MSN: variants seen among roughly 807,000 people sequenced by gnomAD.
The protein encoded by MSN is epididymis luminal protein 70.
A neutral mutation model predicts 48.0 loss-of-function variants in MSN; 2 were observed. The ratio of observed to expected loss-of-function variants is 0.04; its 90% CI spans 0.02 to 0.13. The LOEUF is 0.13. MSN is among the 10% of genes least tolerant of loss of function. The probability of loss-of-function intolerance (pLI) is 1.00; values close to 1 mark genes in which losing one functional copy is unlikely to be tolerated. For missense variants in MSN, 267 were observed against 470.1 expected (o/e 0.57, Z 3.99); for synonymous variants, 146 against 166.9 (o/e 0.87, Z 0.97).
intron 1 of MSN, chrX:65,588,839 C>T (rs745416286): frequency 2.5e-4 from 35 of 138,860 alleles, no homozygotes; most frequent in Non-Finnish European, 4.4e-4. Flanking sequence ...CTCTCTCTCT[C>T]TCCTCTCCCA....
At chrX:65,609,276 A>C (rs182301673) in intron 1 of MSN, among the ~76,000 whole-genome samples, 2 of 108,803 alleles carry the variant, frequency 1.8e-5, no homozygotes, top group African/African-American at 6.7e-5. Flanking sequence ...AGTAAAAGCC[A>C]GTGAAGTGTC....
chrX:65,693,112 C>T (rs1255333926), intron 1 of MSN, among the ~76,000 whole-genome samples: 1 of 111,786 alleles, frequency 8.9e-6, no homozygotes, highest in African/African-American at 3.3e-5. Context: ...AGACACACTG[C>T]AGGCCTTTGA....
chrX:65,711,497 C>A (rs953564939), intron 1 of MSN, among the ~76,000 whole-genome samples: 1 of 112,517 alleles, frequency 8.9e-6, no homozygotes, highest in Non-Finnish European at 1.9e-5. Flanking sequence ...TACCCGGCCC[C>A]TAACATACAT....
intron 1 of MSN, among the ~76,000 whole-genome samples, chrX:65,685,773 A>G (rs1386700572): frequency 9.0e-6 from 1 of 111,482 alleles, no homozygotes; most frequent in East Asian, 2.8e-4. Context: ...TTTAGTAGAG[A>G]CAGGTTTTTG....
chrX:65,695,191 A>G (rs113145391), intron 1 of MSN, among the ~76,000 whole-genome samples: 2,457 of 109,746 alleles, frequency 0.022, 82 homozygotes, highest in African/African-American at 0.077. Flanking sequence ...TAGGCAGGTT[A>G]TCCATGTGTA....
intron 1 of MSN, among the ~76,000 whole-genome samples, chrX:65,680,493 T>C (rs912748150): frequency 2.7e-5 from 3 of 111,969 alleles, no homozygotes; most frequent in Admixed American, 9.4e-5. Flanking sequence ...AGCATTTAGA[T>C]TACTCCCAGC....
chrX:65,688,571 G>T (rs1017444884), intron 1 of MSN, among the ~76,000 whole-genome samples: 2 of 112,149 alleles, frequency 1.8e-5, no homozygotes, highest in African/African-American at 6.5e-5. Context: ...CTGGACTTAA[G>T]CTCTGGTCAT....
chrX:65,602,153 T>C (rs1246027958), intron 1 of MSN, among the ~76,000 whole-genome samples: 2 of 112,649 alleles, frequency 1.8e-5, no homozygotes, highest in African/African-American at 6.5e-5. Flanking sequence ...ATCTAATTGA[T>C]TCCATTTTAA....
At chrX:65,629,994 C>T (rs749978822) in intron 1 of MSN, among the ~76,000 whole-genome samples, 4 of 110,756 alleles carry the variant, frequency 3.6e-5, no homozygotes, top group Non-Finnish European at 5.7e-5. Context: ...GCCTGGCCAA[C>T]GTGGTGAAAC....
chrX:65,591,344 G>T (rs1569451757), intron 1 of MSN, among the ~76,000 whole-genome samples: 1 of 111,897 alleles, frequency 8.9e-6, no homozygotes, highest in East Asian at 2.8e-4. Flanking sequence ...CTGTCGGCTA[G>T]GGAGATGTCT....
chrX:65,606,108 T>C (rs1048103137), intron 1 of MSN, among the ~76,000 whole-genome samples: 1 of 107,231 alleles, frequency 9.3e-6, no homozygotes, highest in African/African-American at 3.4e-5. Flanking sequence ...ATACCGAGGA[T>C]TTTTTTTGTT....
chrX:65,721,680 T>C (rs2071517951), intron 2 of MSN, among the ~76,000 whole-genome samples: 1 of 111,864 alleles, frequency 8.9e-6, no homozygotes, highest in Non-Finnish European at 1.9e-5. Flanking sequence ...AGCTAGGAAG[T>C]GGTATAGCTG....
intron 1 of MSN, among the ~76,000 whole-genome samples, chrX:65,693,289 G>GT (rs1441458505): frequency 1.8e-5 from 2 of 112,004 alleles, no homozygotes; most frequent in South Asian, 3.7e-4. Flanking sequence ...TTTTTGAAGG[G>GT]TTTTTTGTGT....
At chrX:65,663,838 C>T (rs1424892077), upstream of MSN, among the ~76,000 whole-genome samples, 2 of 110,120 alleles carry the variant, frequency 1.8e-5, no homozygotes, top group Non-Finnish European at 3.8e-5. Flanking sequence ...GTGGGCTGAT[C>T]ACAAGGTCAG....
chrX:65,626,770 G>T (rs2070510174), intron 1 of MSN, among the ~76,000 whole-genome samples: 1 of 111,637 alleles, frequency 9.0e-6, no homozygotes, highest in African/African-American at 3.3e-5. Flanking sequence ...CACTGAGCCT[G>T]AAGTGAATGC....
At chrX:65,643,637 A>C (rs1319090003) in intron 1 of MSN, among the ~76,000 whole-genome samples, 1 of 111,974 alleles carries the variant, frequency 8.9e-6, no homozygotes, top group Non-Finnish European at 1.9e-5. Context: ...AAACTTCCCA[A>C]GTGATTCTAA....
intron 1 of MSN, among the ~76,000 whole-genome samples, chrX:65,711,619 T>A (rs1046424283): frequency 8.9e-6 from 1 of 112,803 alleles, no homozygotes; most frequent in Non-Finnish European, 1.9e-5. Context: ...TGCTCGGTAA[T>A]TACTTAATAT....
chrX:65,695,879 C>T (rs2071232514), intron 1 of MSN, among the ~76,000 whole-genome samples: 1 of 83,402 alleles, frequency 1.2e-5, no homozygotes, highest in Non-Finnish European at 1.9e-5. Context: ...AACTTCATGC[C>T]TTTGAGAGAA....
intron 1 of MSN, among the ~76,000 whole-genome samples, chrX:65,691,906 A>G: frequency 1.8e-5 from 2 of 111,546 alleles, no homozygotes; most frequent in Non-Finnish European, 3.8e-5. Context: ...CTTTTGAGAG[A>G]AGGGCCAAGC....
Sources: allele counts gnomAD v4.1 joint callset (sites outside exome capture counted in the v4.1 genomes callset), GRCh38; gene constraint gnomAD v4.1.1; transcripts MANE v1.5; gene names NCBI Gene and HGNC (gene_info 2026-07-23, HGNC 2026-07-21).